Variants in SUPT20H observed in about 807,000 individuals in gnomAD.
The protein encoded by SUPT20H is SPT20 homolog, SAGA complex component.
Under a neutral mutation model 122.8 loss-of-function variants are expected in SUPT20H, and 82 were observed. That is an observed-to-expected ratio of 0.67 (90% CI 0.56 to 0.80). SUPT20H has a LOEUF of 0.80. Ranked by LOEUF, SUPT20H falls within the 30% of genes least tolerant of loss-of-function variation. The pLI, the probability that SUPT20H is intolerant of heterozygous loss-of-function variation, is 0.00. For synonymous variants in SUPT20H, 291 were observed against 313.0 expected (o/e 0.93, Z 0.74); for missense variants, 831 against 921.6 (o/e 0.90, Z 1.27).
intron 24 of SUPT20H, among the ~76,000 whole-genome samples, chr13:37,011,670 T>C (rs905416238): frequency 1.1e-4 from 16 of 152,192 alleles, no homozygotes; most frequent in African/African-American, 3.9e-4. Flanking sequence ...GACAGGATAA[T>C]CATTAAGAGT....
At chr13:37,056,042 A>G (rs1000442123) in intron 1 of SUPT20H, among the ~76,000 whole-genome samples, 6 of 152,262 alleles carry the variant, frequency 3.9e-5, no homozygotes, top group African/African-American at 1.4e-4. Flanking sequence ...CATCAGAGAA[A>G]TGCAAATCAA....
At chr13:37,025,502 AG>A (rs1390202512) in intron 16 of SUPT20H, 65 bp from the exon 17 acceptor site, 2 of 1,119,578 alleles carry the variant, frequency 1.8e-6, no homozygotes, top group African/African-American at 3.1e-5. Context: ...TTTATTTTAT[AG>A]GAAAGAATAA....
intron 21 of SUPT20H, among the ~76,000 whole-genome samples, chr13:37,019,991 G>A (rs530910734): frequency 2.0e-5 from 3 of 152,164 alleles, no homozygotes; most frequent in Admixed American, 6.5e-5. Context: ...GGTGACAAAC[G>A]TTTTCAATAA....
chr13:37,009,588 T>A lies in SUPT20H; in HGVS notation c.*84A>T. The A allele has an allele frequency of 6.6e-7, 1 of 1,519,336 alleles. No homozygotes were observed. Among genetic ancestry groups the A allele is most frequent in the Non-Finnish European group, 9.1e-7 (1 of 1,097,174 alleles). 94.1% of individuals were successfully genotyped at this position (1,519,336 alleles called of 1,614,324 possible). A position where few individuals can be genotyped will look rare whatever the true frequency, so the allele number is the denominator to read the frequency against. Reference sequence around the variant, plus strand: ...CTAGCAATGTAAAATACTGACACATTAAAAAAAACAAAAAGTAGAAACTCA... The same window carrying A: ...CTAGCAATGTAAAATACTGACACATAAAAAAAAACAAAAAGTAGAAACTCA... On this transcript the variant is annotated 3_prime_UTR_variant, in exon 26 of 26. Coordinates refer to ENST00000350612, the MANE Select transcript of SUPT20H (RefSeq NM_001014286.3).
chr13:37,057,353 CAAAT>C (rs2069328371), intron 1 of SUPT20H, among the ~76,000 whole-genome samples: 1 of 151,610 alleles, frequency 6.6e-6, no homozygotes, highest in Non-Finnish European at 1.5e-5. Context: ...AGACTGATGA[CAAAT>C]AAAAATTATT....
chr13:37,018,196 T>C (rs2060866055), intron 22 of SUPT20H, among the ~76,000 whole-genome samples: 1 of 152,170 alleles, frequency 6.6e-6, no homozygotes, highest in Non-Finnish European at 1.5e-5. Flanking sequence ...TAGGTAAATC[T>C]AGACACAGCA....
At chr13:37,039,551 G>GC (rs1483988999) in intron 9 of SUPT20H, 1 of 152,160 alleles carries the variant, frequency 6.6e-6, no homozygotes, top group Non-Finnish European at 1.5e-5. Flanking sequence ...GCAGAAAAAT[G>GC]CCTGGGAAAG....
intron 14 of SUPT20H, 64 bp from the exon 15 acceptor site, chr13:37,026,880 TTAAA>T (rs1421465993): frequency 1.5e-5 from 16 of 1,043,290 alleles, no homozygotes; most frequent in Middle Eastern, 4.4e-4. Flanking sequence ...TCATAGTTTA[TTAAA>T]TAAAGTATTT....
Position 37,022,828 on chromosome 13 carries a change from AT to A in SUPT20H, c.1592-749del. 9.4e-7 allele frequency: 1 copy of A among 1,065,908 alleles called. No individual in the cohort carries two copies. The highest frequency in any genetic ancestry group is 1.1e-6 in the Non-Finnish European group (1 of 870,818). 66.0% of individuals were successfully genotyped at this position (1,065,908 alleles called of 1,614,324 possible). ...ACATCAAGTTTATCCTGACAAACAA[AT>A]TTACAAAAAACAGTAATAAAGCAAA... On this transcript the variant is annotated intron_variant, in intron 19 of 25. Transcript: ENST00000350612. The surrounding 1 kb of genome is among the most constrained non-coding windows in gnomAD (Gnocchi z 4.5).
chr13:37,039,574 C>T (rs1482996206), intron 9 of SUPT20H: 2 of 152,176 alleles, frequency 1.3e-5, no homozygotes, highest in East Asian at 1.9e-4. Flanking sequence ...TCACTAGAGA[C>T]TTCTGCACCA....
chr13:37,048,615 A>G lies in SUPT20H; in HGVS notation c.4-16T>C. The stretch of plus-strand genomic sequence containing the variant: ...AAGCTTGTTGCTGTAAAAAGTAAAT[A>G]GTATATTTGGTAATATTAGTTATTT... On this transcript the variant is annotated splice_polypyrimidine_tract_variant and intron_variant, in intron 2 of 25. Coordinates refer to ENST00000350612, the MANE Select transcript of SUPT20H (RefSeq NM_001014286.3). 5.0e-6 allele frequency: 8 copies of G among 1,596,910 alleles called. No homozygotes were observed. Among genetic ancestry groups the G allele is most frequent in the Non-Finnish European group, 6.8e-6 (8 of 1,173,130 alleles).
chr13:37,033,735 A>G (rs1040434480), intron 9 of SUPT20H, 147 bp from the exon 10 acceptor site: 4 of 882,724 alleles, frequency 4.5e-6, no homozygotes, highest in African/African-American at 1.7e-5. Context: ...GTTAGTGTGC[A>G]TGTAAACTTT....
intron 7 of SUPT20H, 108 bp from the exon 8 acceptor site, chr13:37,040,800 A>C: frequency 2.5e-6 from 2 of 798,516 alleles, no homozygotes; most frequent in Non-Finnish European, 4.3e-6. Context: ...ATTTCTGGCC[A>C]CTCATGTATG....
chr13:37,043,964 A>G (rs570348566), intron 7 of SUPT20H, 114 bp downstream of exon 7: 1 of 588,206 alleles, frequency 1.7e-6, no homozygotes, highest in East Asian at 3.2e-5. Flanking sequence ...ATCTGTCATG[A>G]AACATCATGT....
chr13:37,025,123 G>T (rs1243570423), intron 17 of SUPT20H, 197 bp downstream of exon 17: 2 of 463,570 alleles, frequency 4.3e-6, no homozygotes, highest in East Asian at 9.3e-5. Flanking sequence ...TGTGTTTTTA[G>T]TAGAGATGGG....
chr13:37,047,968 C>A, intron 3 of SUPT20H, 32 bp from the exon 4 acceptor site: 1 of 1,573,358 alleles, frequency 6.4e-7, no homozygotes, highest in Non-Finnish European at 8.6e-7. Flanking sequence ...GAACAGCTTG[C>A]TTTTTGCTTT....
At chr13:37,048,451 G>T (rs2139052180) in intron 3 of SUPT20H, 113 bp downstream of exon 3, 1 of 896,780 alleles carries the variant, frequency 1.1e-6, no homozygotes, top group Non-Finnish European at 1.7e-6. Flanking sequence ...ATGCATACTT[G>T]TCCTAAAATA....
At position 37,029,765 on chromosome 13, in the gene SUPT20H, A is replaced by T; in HGVS notation, c.993T>A (p.His331Gln). 6 of 1,596,038 alleles carry T rather than the reference A, an allele frequency of 3.8e-6. No homozygotes were observed. The highest frequency in any genetic ancestry group is 5.1e-6 in the Non-Finnish European group (6 of 1,172,956). The change falls in exon 13 of 26, where the codon CAT becomes CAA. Residue 331 changes from histidine to glutamine, a missense_variant and splice_region_variant. Physicochemically the swap from His to Gln is conservative, Grantham distance 24. Coordinates refer to ENST00000350612, the MANE Select transcript of SUPT20H (RefSeq NM_001014286.3). ...DDSQPTVWPAHDVKDDYVFEC... is the reference protein window; with the variant it reads ...DDSQPTVWPAQDVKDDYVFEC... ...ACAGAGACAGGCAATGATTTCTTACATGGGCTGGCCAGACTGTTGGCTGTG... is the reference window on the plus strand; with the variant it reads ...ACAGAGACAGGCAATGATTTCTTACTTGGGCTGGCCAGACTGTTGGCTGTG...
intron 2 of SUPT20H, among the ~76,000 whole-genome samples, chr13:37,050,779 T>C (rs1426917257): frequency 6.6e-6 from 1 of 152,172 alleles, no homozygotes; most frequent in Non-Finnish European, 1.5e-5. Context: ...ACTGTGATAC[T>C]TCTACTTTTC....
Sources: allele counts gnomAD v4.1 joint callset (sites outside exome capture counted in the v4.1 genomes callset), GRCh38; gene constraint gnomAD v4.1.1; non-coding constraint Gnocchi (gnomAD v3.1); transcripts MANE v1.5; gene names NCBI Gene and HGNC (gene_info 2026-07-23, HGNC 2026-07-21).